The following GRIK2 variants were observed in gnomAD, a reference collection of about 807,000 sequenced individuals.
GRIK2 encodes glutamate ionotropic receptor kainate type subunit 2.
A neutral mutation model predicts 100.3 loss-of-function variants in GRIK2; 32 were observed. That is an observed-to-expected ratio of 0.32 (90% CI 0.24 to 0.43). The LOEUF (loss-of-function observed/expected upper bound fraction) is 0.43. GRIK2 is among the 20% of genes least tolerant of loss of function. The pLI is 1.00. For missense variants in GRIK2, 843 were observed against 1,114.9 expected (o/e 0.76, Z 3.47); for synonymous variants, 417 against 389.4 (o/e 1.07, Z -0.83).
At chr6:101,397,481 A>G (rs1775057351) in intron 1 of GRIK2, among the ~76,000 whole-genome samples, 1 of 152,214 alleles carries the variant, frequency 6.6e-6, no homozygotes, top group African/African-American at 2.4e-5. Flanking sequence ...ATTGCCTGCT[A>G]TACTGCAGAA....
At chr6:102,024,085 G>A (rs1769569466) in intron 14 of GRIK2, among the ~76,000 whole-genome samples, 1 of 150,946 alleles carries the variant, frequency 6.6e-6, no homozygotes, top group African/African-American at 2.4e-5. Flanking sequence ...TTCAGGTGTT[G>A]AAAATAGTGT....
At chr6:101,854,901 A>G (rs577773647) in intron 10 of GRIK2, among the ~76,000 whole-genome samples, 1 of 152,264 alleles carries the variant, frequency 6.6e-6, no homozygotes, top group South Asian at 2.1e-4. Flanking sequence ...AAAATGACTT[A>G]AGTACTGTGA....
chr6:102,035,193 GTATATATA>G lies in GRIK2; in HGVS notation c.2086-134_2086-127del. The G allele has an allele frequency of 2.3e-5, 5 of 217,112 alleles. 1 individual carries two copies. In the East Asian group the frequency reaches 2.6e-4, roughly 11 times the overall value. 13.4% of individuals were successfully genotyped at this position (217,112 alleles called of 1,614,324 possible). ...CATTATACAGATTCAGACTTTTTTG[GTATATATA>G]TATATATATATATTCCTTAAAAATT... is the stretch of plus-strand genomic sequence containing the variant. On this transcript the variant is annotated intron_variant, in intron 14 of 16. Coordinates refer to ENST00000369134, the MANE Select transcript of GRIK2 (RefSeq NM_021956.5).
At chr6:101,813,172 C>A (rs1781441680) in intron 9 of GRIK2, among the ~76,000 whole-genome samples, 1 of 151,944 alleles carries the variant, frequency 6.6e-6, no homozygotes, top group African/African-American at 2.4e-5. Flanking sequence ...TATACACACA[C>A]ATATGTACTT....
chr6:101,863,492 C>T (rs1037304797), intron 11 of GRIK2, among the ~76,000 whole-genome samples: 13 of 152,312 alleles, frequency 8.5e-5, no homozygotes, highest in African/African-American at 3.1e-4. Context: ...AAAACTACTA[C>T]CTCTGGCACT....
intron 7 of GRIK2, among the ~76,000 whole-genome samples, chr6:101,700,295 A>G (rs1772796453): frequency 6.6e-6 from 1 of 151,922 alleles, no homozygotes; most frequent in Non-Finnish European, 1.5e-5. Context: ...CCTGCTATAA[A>G]CGTTATAAAA....
chr6:101,410,165 A>T (rs1201829820), intron 2 of GRIK2, among the ~76,000 whole-genome samples: 1 of 152,230 alleles, frequency 6.6e-6, no homozygotes. Context: ...TGTGGTTTAA[A>T]TTTTTTTCAC....
chr6:101,410,450 C>T (rs1327180887), intron 2 of GRIK2, among the ~76,000 whole-genome samples: 1 of 151,972 alleles, frequency 6.6e-6, no homozygotes, highest in East Asian at 1.9e-4. Flanking sequence ...TAAGGTAGAA[C>T]AGATTTTGGT....
chr6:101,755,280 C>T lies in GRIK2; in HGVS notation c.952-44368C>T, dbSNP rs535536784. ...TTCCCGGGTTCACGCCATTCTCCTGCATCAGCCTCCCGAGTGGCTGGGACT... is the reference window on the plus strand; with the variant it reads ...TTCCCGGGTTCACGCCATTCTCCTGTATCAGCCTCCCGAGTGGCTGGGACT... On this transcript the variant is annotated intron_variant, in intron 7 of 16. Coordinates refer to ENST00000369134, the MANE Select transcript of GRIK2 (RefSeq NM_021956.5). Among the ~76,000 whole-genome samples the T allele has an allele frequency of 2.0e-5, 3 of 149,386 alleles. No homozygotes were observed. The South Asian group carries it at 6.4e-4, about 32-fold the overall frequency.
intron 10 of GRIK2, among the ~76,000 whole-genome samples, chr6:101,837,089 C>T (rs961567165): frequency 1.3e-5 from 2 of 152,132 alleles, no homozygotes; most frequent in Non-Finnish European, 2.9e-5. Context: ...AATTTCCTTT[C>T]CATCATTTCT....
intron 13 of GRIK2, among the ~76,000 whole-genome samples, chr6:101,927,002 T>C (rs1789944882): frequency 6.6e-6 from 1 of 152,142 alleles, no homozygotes; most frequent in Non-Finnish European, 1.5e-5. Flanking sequence ...CTTGGGAGTA[T>C]TTAGTGTTTC....
chr6:102,010,064 A>G (rs977852200), intron 14 of GRIK2, among the ~76,000 whole-genome samples: 1 of 152,132 alleles, frequency 6.6e-6, no homozygotes, highest in African/African-American at 2.4e-5. Context: ...AGCAATATTG[A>G]ACAGAAAGTA....
intron 2 of GRIK2, among the ~76,000 whole-genome samples, chr6:101,451,841 G>A (rs914661068): frequency 6.6e-6 from 1 of 151,414 alleles, no homozygotes; most frequent in African/African-American, 2.4e-5. Flanking sequence ...ACTTTATTTT[G>A]TGCTACTTAT....
At chr6:101,884,277 C>G (rs1786465497) in intron 11 of GRIK2, among the ~76,000 whole-genome samples, 2 of 152,080 alleles carry the variant, frequency 1.3e-5, no homozygotes, top group Non-Finnish European at 1.5e-5. Flanking sequence ...TTCGTATGAA[C>G]TTACTACTTT....
chr6:102,009,650 A>C (rs899147222), intron 14 of GRIK2, among the ~76,000 whole-genome samples: 1 of 152,108 alleles, frequency 6.6e-6, no homozygotes, highest in African/African-American at 2.4e-5. Context: ...TTGATACTCT[A>C]AGTTTCCTTA....
intron 2 of GRIK2, among the ~76,000 whole-genome samples, chr6:101,446,199 T>C (rs1770363936): frequency 1.3e-5 from 2 of 151,972 alleles, no homozygotes; most frequent in Non-Finnish European, 2.9e-5. Context: ...CTTAGTCCAC[T>C]GCTCTGTATC....
At chr6:101,728,043 GA>G (rs1583031710) in intron 7 of GRIK2, among the ~76,000 whole-genome samples, 1 of 151,856 alleles carries the variant, frequency 6.6e-6, no homozygotes, top group African/African-American at 2.4e-5. Context: ...TCCAAATGCA[GA>G]AAAAATTGAT....
chr6:101,789,195 A>C (rs1486295296), intron 7 of GRIK2, among the ~76,000 whole-genome samples: 1 of 152,072 alleles, frequency 6.6e-6, no homozygotes, highest in Non-Finnish European at 1.5e-5. Flanking sequence ...TGCTGTGCAG[A>C]AGCTGTTTAG....
chr6:101,842,274 A>G (rs1783557844), intron 10 of GRIK2, among the ~76,000 whole-genome samples: 2 of 151,978 alleles, frequency 1.3e-5, no homozygotes, highest in Non-Finnish European at 2.9e-5. Flanking sequence ...CTTCTTCTCT[A>G]TATCCTCTCT....
Sources: allele counts gnomAD v4.1 joint callset (sites outside exome capture counted in the v4.1 genomes callset), GRCh38; gene constraint gnomAD v4.1.1; transcripts MANE v1.5; gene names NCBI Gene and HGNC (gene_info 2026-07-23, HGNC 2026-07-21).